INPP5A: variants seen among roughly 807,000 people sequenced by gnomAD.
The protein encoded by INPP5A is inositol polyphosphate-5-phosphatase A, also known as 43 kDa inositol polyphosphate 5-phophatase.
In INPP5A, 14 loss-of-function variants were observed where a neutral mutation model predicts 65.2. The observed-to-expected ratio is 0.21, with a 90% CI of 0.14 to 0.34. The LOEUF is 0.34. Among genes scored for constraint, INPP5A ranks in the 10% least tolerant of loss-of-function variants. The pLI is 1.00. For synonymous variants in INPP5A, 207 were observed against 208.3 expected (o/e 0.99, Z 0.05); for missense variants, 431 against 545.6 (o/e 0.79, Z 2.09).
chr10:132,662,440 G>A (rs576764737), intron 4 of INPP5A, among the ~76,000 whole-genome samples: 107 of 152,352 alleles, frequency 7.0e-4, no homozygotes, highest in African/African-American at 2.5e-3. Context: ...TGTGTACACC[G>A]TGGTGTGTCA....
chr10:132,736,939 G>C (rs1003107660), intron 9 of INPP5A, among the ~76,000 whole-genome samples: 4 of 152,242 alleles, frequency 2.6e-5, no homozygotes, highest in African/African-American at 9.6e-5. Context: ...TGATCCCTCA[G>C]CCGTGGGCAC....
intron 3 of INPP5A, among the ~76,000 whole-genome samples, chr10:132,646,202 G>A (rs1332127974): frequency 4.6e-5 from 7 of 152,332 alleles, no homozygotes; most frequent in African/African-American, 1.4e-4. Context: ...TCCACACGGC[G>A]AGGGTCTGTG....
Position 132,575,083 on chromosome 10 carries a change from A to G in INPP5A, c.76-32832A>G, listed in dbSNP as rs2071398385. Among the ~76,000 whole-genome samples the G allele has an allele frequency of 6.6e-6, 1 of 152,130 alleles. No individual in the cohort carries two copies. ...TCGGGGTGTCCGTGGAAAACACATGATGCCAGGTCCACAGGGTGACAGGTG... is the reference window on the plus strand; with the variant it reads ...TCGGGGTGTCCGTGGAAAACACATGGTGCCAGGTCCACAGGGTGACAGGTG... On this transcript the variant is annotated intron_variant, in intron 1 of 15. Coordinates refer to ENST00000368594, the MANE Select transcript of INPP5A (RefSeq NM_005539.5). The surrounding 1 kb of genome is among the most constrained non-coding windows in gnomAD (Gnocchi z 5.4).
chr10:132,613,971 C>T (rs981949457), intron 2 of INPP5A, among the ~76,000 whole-genome samples: 39 of 152,356 alleles, frequency 2.6e-4, no homozygotes, highest in African/African-American at 9.1e-4. Flanking sequence ...TAAATATGAT[C>T]TTCATGGTCT....
intron 9 of INPP5A, among the ~76,000 whole-genome samples, chr10:132,728,980 G>A (rs1273679007): frequency 6.6e-6 from 1 of 152,060 alleles, no homozygotes; most frequent in African/African-American, 2.4e-5. Flanking sequence ...CTGGACGCTG[G>A]GTCCCGTGGG....
Position 132,551,957 on chromosome 10 carries a change from T to C in INPP5A, c.75+13786T>C, listed in dbSNP as rs551586901. 4.1e-4 allele frequency among the ~76,000 whole-genome samples: 63 copies of C among 152,392 alleles called. No individual in the cohort carries two copies. The highest frequency in any genetic ancestry group is 1.4e-3 in the African/African-American group (59 of 41,598). ...ACACAGGGGTCCAGGTGTCCTCTGA[T>C]TCTGCTGTGCTGAGTCTGTTGGTGG... On this transcript the variant is annotated intron_variant, in intron 1 of 15. Coordinates refer to ENST00000368594, the MANE Select transcript of INPP5A (RefSeq NM_005539.5). This position sits in a 1 kb window ranked among gnomAD's most constrained non-coding sequence, Gnocchi z 5.3.
chr10:132,750,482 C>T (rs1846455938), intron 11 of INPP5A, among the ~76,000 whole-genome samples: 1 of 152,226 alleles, frequency 6.6e-6, no homozygotes, highest in Non-Finnish European at 1.5e-5. Flanking sequence ...GTTTTGAAAT[C>T]GTGAGTCTTC....
In INPP5A at chr10:132,698,189, G is replaced by A. The variant is rs1845376653; in HGVS notation, c.474+270G>A. 6.6e-6 allele frequency among the ~76,000 whole-genome samples: 1 copy of A among 152,196 alleles called. No individual in the cohort carries two copies. Among genetic ancestry groups the A allele is most frequent in the African/African-American group, 2.4e-5 (1 of 41,450 alleles). ...GGAGAAAGAACCTTCGCCAAAAGAT[G>A]TAGGAAAATCATTCAGCTCCCTTGG... is the stretch of plus-strand genomic sequence containing the variant. On this transcript the variant is annotated intron_variant, in intron 6 of 15. Transcript: ENST00000368594. The surrounding 1 kb of genome is among the most constrained non-coding windows in gnomAD (Gnocchi z 5.5).
At position 132,660,654 on chromosome 10, in the gene INPP5A, C is replaced by T. The variant is rs781715239; in HGVS notation, c.306+10149C>T. On this transcript the variant is annotated intron_variant, in intron 4 of 15. Transcript: ENST00000368594. ...GCAGAGGCTGTCTGGATGCCATTCA[C>T]GGTGAGAGAAGAGCCTAGAATCTTG... 4.6e-5 allele frequency among the ~76,000 whole-genome samples: 7 copies of T among 152,180 alleles called. No homozygotes were observed. In the East Asian group the frequency reaches 5.8e-4, roughly 13 times the overall value.
At chr10:132,708,181 G>A (rs968352691) in intron 6 of INPP5A, 132 bp from the exon 7 acceptor site, 20 of 727,744 alleles carry the variant, frequency 2.7e-5, no homozygotes, top group Admixed American at 4.5e-5. Flanking sequence ...TTAGTGGGGC[G>A]GCATCAGTGC....
At chr10:132,556,875 C>T (rs1350890330) in intron 1 of INPP5A, among the ~76,000 whole-genome samples, 2 of 151,966 alleles carry the variant, frequency 1.3e-5, no homozygotes, top group East Asian at 3.9e-4. Context: ...GAGGCAGTGA[C>T]TGTAGGGTTT....
rs775344863 is a variant in INPP5A, at chr10:132,690,465, C to T, written c.370+10C>T. The stretch of plus-strand genomic sequence containing the variant: ...CAGTTTGACTTTAAAGGTAAGACTG[C>T]GTGCCGTCTTCCGGGATTTTGTCTC... On this transcript the variant is annotated intron_variant, in intron 5 of 15. Coordinates refer to ENST00000368594, the MANE Select transcript of INPP5A (RefSeq NM_005539.5). The T allele has an allele frequency of 4.4e-6, 7 of 1,603,356 alleles. No homozygotes were observed. The highest frequency in any genetic ancestry group is 4.0e-5 in the African/African-American group (3 of 74,834).
chr10:132,767,848 A>C (rs1846878105), intron 12 of INPP5A, among the ~76,000 whole-genome samples: 1 of 146,426 alleles, frequency 6.8e-6, no homozygotes, highest in Non-Finnish European at 1.5e-5. Flanking sequence ...GTGGACCCCA[A>C]CCCTCAGCGT....
At chr10:132,611,096 TGGG>T (rs201447057) in intron 2 of INPP5A, among the ~76,000 whole-genome samples, 1,027 of 75,572 alleles carry the variant, frequency 0.014, no homozygotes, top group Admixed American at 0.026. Flanking sequence ...GAGGAGGATG[TGGG>T]GTGGGAGGTG....
chr10:132,685,905 G>A (rs1184149372), intron 4 of INPP5A, among the ~76,000 whole-genome samples: 2 of 152,190 alleles, frequency 1.3e-5, no homozygotes, highest in Admixed American at 6.5e-5. Context: ...TCACATTACC[G>A]GACTCCAATT....
At chr10:132,751,578 A>C (rs1016031556) in intron 11 of INPP5A, among the ~76,000 whole-genome samples, 3 of 152,192 alleles carry the variant, frequency 2.0e-5, no homozygotes, top group Non-Finnish European at 4.4e-5. Flanking sequence ...AGTGGGGAGC[A>C]GGGAGAGCCT....
intron 12 of INPP5A, among the ~76,000 whole-genome samples, chr10:132,774,213 G>C (rs1020576511): frequency 1.3e-5 from 2 of 152,216 alleles, no homozygotes; most frequent in Non-Finnish European, 2.9e-5. Context: ...TTGGAAGCGG[G>C]TGTCTGAAGC....
rs184443112 is a variant in INPP5A, at chr10:132,683,441, G to A, written c.307-6951G>A. On this transcript the variant is annotated intron_variant, in intron 4 of 15. Transcript: ENST00000368594. ...GCACGTGTCTGCGGTGACACAGCAA[G>A]GCTGTTATATATATATGCACGCATG... 5.9e-5 allele frequency among the ~76,000 whole-genome samples: 9 copies of A among 152,194 alleles called. No individual in the cohort carries two copies. The East Asian group carries it at 1.7e-3, about 29-fold the overall frequency.
At chr10:132,640,622 G>A (rs756926861) in intron 2 of INPP5A, among the ~76,000 whole-genome samples, 28 of 152,346 alleles carry the variant, frequency 1.8e-4, no homozygotes, top group Admixed American at 3.9e-4. Flanking sequence ...CAGCCTCCTC[G>A]GGCACATGTT....
Sources: allele counts gnomAD v4.1 joint callset (sites outside exome capture counted in the v4.1 genomes callset), GRCh38; gene constraint gnomAD v4.1.1; non-coding constraint Gnocchi (gnomAD v3.1); transcripts MANE v1.5; gene names NCBI Gene and HGNC (gene_info 2026-07-23, HGNC 2026-07-21).